NAV1: variants seen among roughly 807,000 people sequenced by gnomAD.
The protein encoded by NAV1 is neuron navigator 1, also known as pore membrane and/or filament interacting like protein 3.
A neutral mutation model predicts 175.2 loss-of-function variants in NAV1; 18 were observed. The ratio of observed to expected loss-of-function variants is 0.10; its 90% CI spans 0.07 to 0.15. The LOEUF is 0.15. Ranked by LOEUF, NAV1 falls within the 10% of genes least tolerant of loss-of-function variation. The pLI is 1.00. For synonymous variants in NAV1, 897 were observed against 978.7 expected (o/e 0.92, Z 1.56); for missense variants, 1,731 against 2,436.6 (o/e 0.71, Z 6.10).
At chr1:201,741,791 C>T (rs74928459) in intron 3 of NAV1, among the ~76,000 whole-genome samples, 1,869 of 152,242 alleles carry the variant, frequency 0.012, 37 homozygotes, top group African/African-American at 0.042. Context: ...ATATTCTCCC[C>T]GCCTCCTTCC....
At chr1:201,568,720 CAA>C (rs1480733828) in intron 1 of NAV1, among the ~76,000 whole-genome samples, 8 of 152,254 alleles carry the variant, frequency 5.3e-5, no homozygotes, top group South Asian at 2.1e-4. Flanking sequence ...AATATATAAA[CAA>C]TGCGTGTTTG....
intron 1 of NAV1, among the ~76,000 whole-genome samples, chr1:201,582,290 T>G (rs1036831093): frequency 3.3e-5 from 5 of 152,048 alleles, no homozygotes; most frequent in Non-Finnish European, 5.9e-5. Context: ...ACTGGCTACA[T>G]GAGAGAGAGA....
chr1:201,588,672 A>G (rs1019024235), intron 2 of NAV1, among the ~76,000 whole-genome samples, 23 bp downstream of exon 2: 10 of 151,902 alleles, frequency 6.6e-5, no homozygotes, highest in African/African-American at 2.4e-4. Flanking sequence ...GCTAATCCAC[A>G]GGGACAGAAA....
At position 201,670,874 on chromosome 1, in the gene NAV1, ATGG is replaced by A. The variant is rs200365593; in HGVS notation, c.757+21454_757+21456del. On this transcript the variant is annotated intron_variant, in intron 1 of 29. Coordinates refer to ENST00000367296, the Ensembl canonical transcript of NAV1. ...TAGAGATGCTGGTGGTATCTTGGTG[ATGG>A]TGGTAGAGATGATGGTGATGTTTTG... Among the ~76,000 whole-genome samples the A allele has an allele frequency of 6.3e-3, 961 of 151,836 alleles. 8 individuals carry two copies. Among genetic ancestry groups the A allele is most frequent in the African/African-American group, 0.02 (823 of 41,374 alleles).
At position 201,592,641 on chromosome 1, in the gene NAV1, A is replaced by T. The variant is rs138309663; in HGVS notation, c.-33+3992A>T. Among the ~76,000 whole-genome samples, 11 of 151,898 alleles carry T rather than the reference A, an allele frequency of 7.2e-5. No individual in the cohort carries two copies. In the East Asian group the frequency reaches 1.7e-3, roughly 24 times the overall value. On this transcript the variant is annotated intron_variant, in intron 2 of 33. Coordinates refer to the NAV1 transcript ENST00000685211. ...CTGGCACAGAAGGCTTCCTGGGGGG[A>T]GGTGGTCTTTGGATTGTGCTCTAAA...
chr1:201,826,225 ACCT>A (rs895765053), exon 30 of NAV1: 5 of 151,760 alleles, frequency 3.3e-5, no homozygotes, highest in Non-Finnish European at 7.4e-5. Context: ...CACTAAGATC[ACCT>A]CCTCAGTCCC....
rs1553246977 is a variant in NAV1 at position 201,642,167 on chromosome 1, CCCTT to C, written c.5-6448_5-6445del. The stretch of plus-strand genomic sequence containing the variant: ...CCTTCTTTTTCTTTCTCTCTCCCCT[CCCTT>C]CCTTCCTTCCTTCCTTCCCTCCTTT... On this transcript the variant is annotated intron_variant, in intron 2 of 29. Transcript: ENST00000367302. Among the ~76,000 whole-genome samples, 101 of 116,502 alleles carry C rather than the reference CCCTT, an allele frequency of 8.7e-4. 2 individuals carry two copies. Among genetic ancestry groups the C allele is most frequent in the African/African-American group, 2.5e-3 (68 of 27,704 alleles). The allele number at this position is 116,502 out of a possible 152,430, so 76.4% of individuals were successfully genotyped here. A position where few individuals can be genotyped will look rare whatever the true frequency, so the allele number is the denominator to read the frequency against.
intron 3 of NAV1, among the ~76,000 whole-genome samples, chr1:201,764,912 C>T (rs557643585): frequency 1.8e-4 from 27 of 152,188 alleles, no homozygotes; most frequent in Non-Finnish European, 2.9e-4. Flanking sequence ...AAATGCATGG[C>T]TTTATTCTGA....
intron 1 of NAV1, among the ~76,000 whole-genome samples, chr1:201,655,848 CT>C (rs1048896336): frequency 3.9e-4 from 59 of 150,338 alleles, no homozygotes; most frequent in African/African-American, 1.1e-3. Flanking sequence ...CTATAAGCAC[CT>C]TTTTTTTTTC....
chr1:201,793,981 TC>T, intron 14 of NAV1, 106 bp downstream of exon 18: 2 of 915,512 alleles, frequency 2.2e-6, no homozygotes, highest in Non-Finnish European at 1.7e-6. Context: ...TGCCAGTTTC[TC>T]CCCACCTCAC....
At chr1:201,722,030 ATGC>A (rs1438961871) in intron 3 of NAV1, among the ~76,000 whole-genome samples, 22 of 152,330 alleles carry the variant, frequency 1.4e-4, no homozygotes, top group Middle Eastern at 3.4e-3. Context: ...AGTGACTCTG[ATGC>A]TGCTACCAGA....
At chr1:201,620,231 G>A (rs1405285012), upstream of NAV1, among the ~76,000 whole-genome samples, 2 of 152,140 alleles carry the variant, frequency 1.3e-5, no homozygotes, top group Non-Finnish European at 2.9e-5. Flanking sequence ...AATATGGAAG[G>A]GGGGATCCCA....
At chr1:201,709,511 G>C (rs576882035) in intron 1 of NAV1, among the ~76,000 whole-genome samples, 1 of 152,170 alleles carries the variant, frequency 6.6e-6, no homozygotes, top group Non-Finnish European at 1.5e-5. Context: ...AAGTCCTCTT[G>C]GCCTGAAGCT....
rs1337536638 is a variant in NAV1, at chr1:201,705,495, G to A, written c.758-7322G>A. ...CCCACTCGCTGATTGAGATGGTTCCGGATTCTCTGGGGTAAGGATGAAAAC... is the reference window on the plus strand; with the variant it reads ...CCCACTCGCTGATTGAGATGGTTCCAGATTCTCTGGGGTAAGGATGAAAAC... On this transcript the variant is annotated intron_variant, in intron 1 of 29. Coordinates refer to ENST00000367296, the Ensembl canonical transcript of NAV1. 2.6e-5 allele frequency among the ~76,000 whole-genome samples: 4 copies of A among 152,166 alleles called. 1 individual carries two copies. The highest frequency in any genetic ancestry group is 4.1e-4 in the South Asian group (2 of 4,834).
At chr1:201,557,791 G>A (rs1666074564) in intron 1 of NAV1, among the ~76,000 whole-genome samples, 1 of 152,178 alleles carries the variant, frequency 6.6e-6, no homozygotes, top group Non-Finnish European at 1.5e-5. Context: ...GGAGTGGAAG[G>A]GATGAAGAGA....
chr1:201,566,865 C>T (rs889318362), intron 1 of NAV1, among the ~76,000 whole-genome samples: 6 of 151,752 alleles, frequency 4.0e-5, no homozygotes, highest in Admixed American at 3.9e-4. Flanking sequence ...TGTATTTTTG[C>T]TTTTTTGCTT....
intron 8 of NAV1, 136 bp from the exon 13 acceptor site, chr1:201,786,293 C>T: frequency 5.6e-6 from 5 of 892,264 alleles, no homozygotes; most frequent in Non-Finnish European, 8.6e-6. Context: ...CTTGGGCAGC[C>T]CTGACCACTC....
At chr1:201,794,428 A>C (rs766714633) in intron 14 of NAV1, 38 bp from the exon 19 acceptor site, 4 of 1,584,964 alleles carry the variant, frequency 2.5e-6, no homozygotes, top group Non-Finnish European at 3.4e-6. Flanking sequence ...GGTGTGAGCC[A>C]CCGTGCCCAG....
intron 20 of NAV1, 143 bp from the exon 25 acceptor site, chr1:201,809,021 T>A (rs1187906114): frequency 2.3e-6 from 3 of 1,286,016 alleles, no homozygotes; most frequent in Non-Finnish European, 3.3e-6. Context: ...GTAATGGTCC[T>A]TCAACCTTAA....
Sources: gnomAD v4.1 joint callset for allele counts (sites outside exome capture counted in the v4.1 genomes callset) on GRCh38, gnomAD v4.1.1 for gene constraint, MANE v1.5 for transcripts, NCBI Gene and HGNC (gene_info 2026-07-23, HGNC 2026-07-21) for gene names.